ANKRD62: variants seen among roughly 807,000 people sequenced by gnomAD.
The protein encoded by ANKRD62 is ankyrin repeat domain-containing protein 62.
ANKRD62 carries 61 observed loss-of-function variants against 98.8 expected under a neutral mutation model. The ratio of observed to expected loss-of-function variants is 0.62; its 90% CI spans 0.50 to 0.76. The LOEUF is 0.76. Among genes scored for constraint, ANKRD62 ranks in the 30% least tolerant of loss-of-function variants. ANKRD62 has a pLI of 0.00. For missense variants in ANKRD62, 933 were observed against 1,082.9 expected (o/e 0.86, Z 1.94); for synonymous variants, 341 against 367.9 (o/e 0.93, Z 0.84).
chr18:12,096,711 C>T (rs930909185), intron 4 of ANKRD62, among the ~76,000 whole-genome samples: 4 of 152,094 alleles, frequency 2.6e-5, no homozygotes, highest in African/African-American at 9.7e-5. Flanking sequence ...TTTAAAAATA[C>T]TTTGTTAAAG....
chr18:12,127,399 T>A (rs1307796157), intron 13 of ANKRD62, among the ~76,000 whole-genome samples: 2 of 152,232 alleles, frequency 1.3e-5, no homozygotes, highest in South Asian at 4.1e-4. Context: ...GATTTGAGCT[T>A]CTTCTTATAA....
intron 3 of ANKRD62, among the ~76,000 whole-genome samples, 166 bp from the exon 4 acceptor site, chr18:12,096,030 G>C (rs993050503): frequency 1.3e-5 from 2 of 152,196 alleles, no homozygotes; most frequent in Non-Finnish European, 2.9e-5. Context: ...TATCTGAAAG[G>C]GAAGGAGCAA....
chr18:12,155,726 A>G, the ANKRD62 span, among the ~76,000 whole-genome samples: 2 of 152,108 alleles, frequency 1.3e-5, no homozygotes, highest in South Asian at 2.1e-4. Flanking sequence ...AGTATATTCT[A>G]CCTAATGTCT....
chr18:12,120,283 A>G (rs1258738272), intron 10 of ANKRD62, among the ~76,000 whole-genome samples: 1 of 152,116 alleles, frequency 6.6e-6, no homozygotes, highest in African/African-American at 2.4e-5. Context: ...TTATAGTTCT[A>G]TCTACTTTGG....
At chr18:12,170,253 T>C in the ANKRD62 span, among the ~76,000 whole-genome samples, 93,271 of 152,000 alleles carry the variant, frequency 0.61, 29,060 homozygotes, top group Middle Eastern at 0.76. Context: ...TCCTGCTTTC[T>C]CTTGTGGGCA....
At chr18:12,159,455 T>A in the ANKRD62 span, among the ~76,000 whole-genome samples, 1 of 152,228 alleles carries the variant, frequency 6.6e-6, no homozygotes, top group African/African-American at 2.4e-5. Context: ...GCTTTCTAGT[T>A]CCATAGTGGA....
the ANKRD62 span, among the ~76,000 whole-genome samples, chr18:12,164,463 T>G: frequency 6.6e-6 from 1 of 151,860 alleles, no homozygotes; most frequent in South Asian, 2.1e-4. Context: ...TGTTTAATCT[T>G]TTGTATTCTT....
At chr18:12,099,471 G>A (rs2143896455) in intron 5 of ANKRD62, 144 bp from the exon 6 acceptor site, 1 of 449,906 alleles carries the variant, frequency 2.2e-6, no homozygotes, top group Non-Finnish European at 3.8e-6. Flanking sequence ...AGCTTAATAA[G>A]AGTTTTGTAG....
the ANKRD62 span, among the ~76,000 whole-genome samples, chr18:12,140,110 C>A: frequency 6.6e-6 from 1 of 152,218 alleles, no homozygotes; most frequent in Admixed American, 6.5e-5. Flanking sequence ...TCTTCCATCA[C>A]TGATACCCTT....
intron 7 of ANKRD62, 99 bp downstream of exon 7, chr18:12,103,327 T>C (rs1308413479): frequency 1.7e-6 from 1 of 596,622 alleles, no homozygotes; most frequent in Non-Finnish European, 2.5e-6. Context: ...ATCAATTGAA[T>C]GTAATTTAAT....
chr18:12,099,485 T>C, intron 5 of ANKRD62, 130 bp from the exon 6 acceptor site: 1 of 513,934 alleles, frequency 1.9e-6, no homozygotes, highest in Middle Eastern at 5.4e-4. Context: ...TTTGTAGAGC[T>C]TACAAACTAA....
chr18:12,093,903 T>C lies in ANKRD62; in HGVS notation c.-115T>C, dbSNP rs1344856618. ...GAGACTGGAGTGTCCCTGACGGAGG[T>C]TGCGGCTGGACCTGGTTACGTGCTG... On this transcript the variant is annotated 5_prime_UTR_variant, in exon 1 of 14. Coordinates refer to ENST00000587848, the MANE Select transcript of ANKRD62 (RefSeq NM_001277333.2). 7 of 956,734 alleles carry C rather than the reference T, an allele frequency of 7.3e-6. No individual in the cohort carries two copies. The African/African-American group carries it at 8.1e-5, about 11-fold the overall frequency. 59.3% of individuals were successfully genotyped at this position (956,734 alleles called of 1,614,324 possible).
chr18:12,145,521 C>T, the ANKRD62 span, among the ~76,000 whole-genome samples: 1 of 150,750 alleles, frequency 6.6e-6, no homozygotes, highest in Non-Finnish European at 1.5e-5. Context: ...TGGATGGGGT[C>T]CCCCAGCACA....
intron 10 of ANKRD62, among the ~76,000 whole-genome samples, chr18:12,120,349 A>G (rs1257365578): frequency 6.6e-6 from 1 of 152,184 alleles, no homozygotes; most frequent in Non-Finnish European, 1.5e-5. Flanking sequence ...TAGGACTATT[A>G]TATCTTCTTG....
At chr18:12,099,057 A>G (rs988796114) in intron 5 of ANKRD62, among the ~76,000 whole-genome samples, 4 of 152,248 alleles carry the variant, frequency 2.6e-5, no homozygotes, top group African/African-American at 7.2e-5. Flanking sequence ...TAAGCTACAA[A>G]TAATAGAACA....
chr18:12,131,487 T>TA (rs1184255292), downstream of ANKRD62, among the ~76,000 whole-genome samples: 1 of 152,172 alleles, frequency 6.6e-6, no homozygotes, highest in African/African-American at 2.4e-5. Flanking sequence ...TCAATAGCTT[T>TA]AAAAAAAGTC....
At chr18:12,111,109 C>T (rs879379718) in intron 8 of ANKRD62, among the ~76,000 whole-genome samples, 14 of 152,032 alleles carry the variant, frequency 9.2e-5, no homozygotes, top group Non-Finnish European at 1.8e-4. Context: ...ATTAGCCAGA[C>T]GTGGTGGCAC....
chr18:12,154,289 A>G, the ANKRD62 span, among the ~76,000 whole-genome samples: 1 of 152,256 alleles, frequency 6.6e-6, no homozygotes, highest in Non-Finnish European at 1.5e-5. Context: ...GGCAAAGGAC[A>G]TGAACAGACA....
chr18:12,134,934 T>C, the ANKRD62 span, among the ~76,000 whole-genome samples: 2 of 152,206 alleles, frequency 1.3e-5, no homozygotes, highest in African/African-American at 4.8e-5. Context: ...TCCAGATCCC[T>C]GAGGAATCGC....
Sources: gnomAD v4.1 joint callset for allele counts (sites outside exome capture counted in the v4.1 genomes callset) on GRCh38, gnomAD v4.1.1 for gene constraint, MANE v1.5 for transcripts, NCBI Gene and HGNC (gene_info 2026-07-23, HGNC 2026-07-21) for gene names.